The following PKP1 variants were observed in gnomAD, a reference collection of about 807,000 sequenced individuals.
PKP1 encodes plakophilin 1.
A neutral mutation model predicts 76.4 loss-of-function variants in PKP1; 27 were observed. That is an observed-to-expected ratio of 0.35 (90% CI 0.26 to 0.49). PKP1 has a LOEUF of 0.49. Ranked by LOEUF, PKP1 falls within the 20% of genes least tolerant of loss-of-function variation. The probability of loss-of-function intolerance (pLI) is 0.99; values close to 1 mark genes in which losing one functional copy is unlikely to be tolerated. For synonymous variants in PKP1, 404 were observed against 384.2 expected (o/e 1.05, Z -0.60); for missense variants, 964 against 955.2 (o/e 1.01, Z -0.12).
chr1:201,323,696 G>T (rs1292894715), intron 9 of PKP1, among the ~76,000 whole-genome samples: 1 of 152,148 alleles, frequency 6.6e-6, no homozygotes, highest in Non-Finnish European at 1.5e-5. Flanking sequence ...AAGAAGAGTT[G>T]AGATGGGCCA....
At chr1:201,319,950 CA>C in intron 6 of PKP1, 1 of 1,499,176 alleles carries the variant, frequency 6.7e-7, no homozygotes, top group Non-Finnish European at 9.3e-7. Flanking sequence ...AGTTACTGGG[CA>C]GAGTGAAGGA....
chr1:201,309,447 T>G (rs1656469040), intron 2 of PKP1, among the ~76,000 whole-genome samples: 1 of 152,198 alleles, frequency 6.6e-6, no homozygotes, highest in Non-Finnish European at 1.5e-5. Flanking sequence ...GCTCTGGATT[T>G]CTGTCTGGCT....
rs776035292 is a variant in PKP1 at position 201,330,559 on chromosome 1, G to A, written c.*518G>A. Reference sequence around the variant, plus strand: ...TGAAATGTGTGGTGCCAGGGCAAGGGGGCCATCACTGCAGTCAGGCCCTCA... The same window carrying A: ...TGAAATGTGTGGTGCCAGGGCAAGGAGGCCATCACTGCAGTCAGGCCCTCA... On this transcript the variant is annotated 3_prime_UTR_variant, in exon 14 of 14. Transcript: ENST00000367324. 4 of 152,252 alleles carry A rather than the reference G, an allele frequency of 2.6e-5. No individual in the cohort carries two copies. Among genetic ancestry groups the A allele is most frequent in the Non-Finnish European group, 4.4e-5 (3 of 68,074 alleles). The allele number at this position is 152,252 out of a possible 1,614,324, so 9.4% of individuals were successfully genotyped here.
chr1:201,289,968 G>C (rs893235409), intron 1 of PKP1, among the ~76,000 whole-genome samples: 4 of 152,182 alleles, frequency 2.6e-5, no homozygotes, highest in Non-Finnish European at 5.9e-5. Flanking sequence ...AAGAGGATGA[G>C]TCATCCCTGC....
At chr1:201,305,272 C>A (rs1044580659) in intron 2 of PKP1, among the ~76,000 whole-genome samples, 2 of 152,232 alleles carry the variant, frequency 1.3e-5, no homozygotes, top group African/African-American at 4.8e-5. Context: ...AATCCCAGCA[C>A]TCTGGGAGGC....
At chr1:201,305,656 C>T (rs551853870) in intron 2 of PKP1, among the ~76,000 whole-genome samples, 70 of 152,280 alleles carry the variant, frequency 4.6e-4, no homozygotes, top group African/African-American at 1.6e-3. Flanking sequence ...CTTCCCAGGG[C>T]TGGGAAGCAC....
chr1:201,283,816 G>A lies in PKP1; in HGVS notation c.114G>A (p.Arg38=). The A allele has an allele frequency of 6.2e-6, 10 of 1,614,184 alleles. No homozygotes were observed. The highest frequency in any genetic ancestry group is 8.5e-6 in the Non-Finnish European group (10 of 1,179,996). Residue 38 remains arginine (R), a synonymous_variant, in exon 1 of 14, where the codon AGG becomes AGA. Coordinates refer to ENST00000367324, the MANE Select transcript of PKP1 (RefSeq NM_001005337.3). ...AGATGAAAACAGGCACGTCTGGCAG[G>A]CAGCGCGTGCAGGAGCAGGTGATGA... ...DQKMKTGTSG[R]QRVQEQVMMT... is the part of the protein sequence containing the mutation.
rs1258471543 is a variant in PKP1 at position 201,293,974 on chromosome 1, A to C, written c.235A>C (p.Asn79His). The C allele has an allele frequency of 6.2e-7, 1 of 1,613,862 alleles. No homozygotes were observed. Among genetic ancestry groups the C allele is most frequent in the Non-Finnish European group, 8.5e-7 (1 of 1,179,846 alleles). ...GTATGATGGCTTGGCTGACAATTAC[A>C]ACTATGGGACCACCAGCAGGAGCAG... is the stretch of plus-strand genomic sequence containing the variant. ...SMYDGLADNY[N>H]YGTTSRSSYY... The change falls in exon 2 of 14, where the codon AAC becomes CAC. Residue 79 changes from asparagine (N) to histidine (H), a missense_variant. Transcript: ENST00000367324.
intron 2 of PKP1, among the ~76,000 whole-genome samples, chr1:201,294,653 G>C (rs1290887821): frequency 1.3e-5 from 2 of 152,130 alleles, no homozygotes; most frequent in Non-Finnish European, 2.9e-5. Context: ...GTCATTTTCA[G>C]GATTAAATGA....
intron 13 of PKP1, 125 bp downstream of exon 13, chr1:201,328,993 C>T: frequency 1.4e-6 from 1 of 727,242 alleles, no homozygotes; most frequent in Non-Finnish European, 2.5e-6. Context: ...TGGCTCTGGA[C>T]AACACAAGCA....
Position 201,322,120 on chromosome 1 carries a change from G to A in PKP1, c.1490G>A (p.Ser497Asn), listed in dbSNP as rs763478928. 7 of 1,611,416 alleles carry A rather than the reference G, an allele frequency of 4.3e-6. No homozygotes were observed. The highest frequency in any genetic ancestry group is 5.9e-6 in the Non-Finnish European group (7 of 1,179,976). The change falls in exon 8 of 14, where the codon AGC (serine) becomes AAC (asparagine). Residue 497 changes from serine to asparagine, a missense_variant. Coordinates refer to ENST00000367324, the MANE Select transcript of PKP1 (RefSeq NM_001005337.3). ...KSSTGCFSNK[S>N]DKMMNNNYDC... is the part of the protein sequence containing the mutation. ...TCCACTGGCTGCTTCAGCAACAAGA[G>A]CGACAAGATGATGGTGAGCACAGCA... is the stretch of plus-strand genomic sequence containing the variant.
At chr1:201,324,154 A>T (rs1657033334) in intron 9 of PKP1, among the ~76,000 whole-genome samples, 1 of 152,182 alleles carries the variant, frequency 6.6e-6, no homozygotes, top group Non-Finnish European at 1.5e-5. Context: ...TTACTCTGGA[A>T]GCTAACTCTG....
rs141355043 is a variant in PKP1 at position 201,320,092 on chromosome 1, C to CTCCT, written c.1233-164_1233-161dup. ...TCATTCCTTTCCTCCCTTTCCTCTTCTCCTTCCTTCCTTCTACCACAACTT... is the reference window on the plus strand; with the variant it reads ...TCATTCCTTTCCTCCCTTTCCTCTTCTCCTTCCTTCCTTCCTTCTACCACAACTT... On this transcript the variant is annotated intron_variant, in intron 6 of 13. Transcript: ENST00000367324. 2,095 of 693,366 alleles carry CTCCT rather than the reference C, an allele frequency of 3.0e-3. 6 individuals are homozygous for CTCCT. Among genetic ancestry groups the CTCCT allele is most frequent in the Non-Finnish European group, 4.5e-3 (1,749 of 386,050 alleles). 43.0% of individuals were successfully genotyped at this position (693,366 alleles called of 1,614,324 possible).
At position 201,320,417 on chromosome 1, in the gene PKP1, G is replaced by A. The variant is rs6427898; in HGVS notation, c.1347+36G>A. On this transcript the variant is annotated intron_variant, in intron 7 of 13. Transcript: ENST00000367324. Reference sequence around the variant, plus strand: ...CCCCTGGTGGCACCCTGACCCCTAGGCCCAGCCCCCTACATTTTCTGGGTG... The same window carrying A: ...CCCCTGGTGGCACCCTGACCCCTAGACCCAGCCCCCTACATTTTCTGGGTG... 0.1 allele frequency: 139,876 copies of A among 1,364,230 alleles called. 9,137 individuals are homozygous for A. Among genetic ancestry groups the A allele is most frequent in the African/African-American group, 0.28 (19,331 of 69,810 alleles). 84.5% of individuals were successfully genotyped at this position (1,364,230 alleles called of 1,614,324 possible).
In PKP1 at chr1:201,332,700, C is replaced by T. The variant is rs1013290834; in HGVS notation, c.*2659C>T. ...GTGGGGACCACACTAGCAGCCCTGACTCCACACTCCTCCTGGGGACCCAAG... is the reference window on the plus strand; with the variant it reads ...GTGGGGACCACACTAGCAGCCCTGATTCCACACTCCTCCTGGGGACCCAAG... On this transcript the variant is annotated 3_prime_UTR_variant, in exon 14 of 14. Coordinates refer to ENST00000367324, the MANE Select transcript of PKP1 (RefSeq NM_001005337.3). 6.6e-6 allele frequency: 1 copy of T among 152,278 alleles called. No individual in the cohort carries two copies. Among genetic ancestry groups the T allele is most frequent in the African/African-American group, 2.4e-5 (1 of 41,460 alleles). The allele number at this position is 152,278 out of a possible 1,614,324, so 9.4% of individuals were successfully genotyped here.
At chr1:201,326,185 G>C (rs1475877665) in intron 12 of PKP1, among the ~76,000 whole-genome samples, 1 of 152,226 alleles carries the variant, frequency 6.6e-6, no homozygotes, top group African/African-American at 2.4e-5. Context: ...TAGAAAAGTA[G>C]GTGTGGGCTA....
chr1:201,322,494 T>C (rs554419374), intron 8 of PKP1, among the ~76,000 whole-genome samples: 4 of 152,318 alleles, frequency 2.6e-5, no homozygotes, highest in Admixed American at 6.5e-5. Flanking sequence ...TCACTCTTTC[T>C]GGCCTTGGTT....
chr1:201,330,092 A>T lies in PKP1; in HGVS notation c.*51A>T, dbSNP rs1657268723. On this transcript the variant is annotated 3_prime_UTR_variant, in exon 14 of 14. Transcript: ENST00000367324. ...TTTCCAGGAAGATATGACCCAGCTG[A>T]GAAGCCCTCAGGCCTCGCTGGATGG... 6.6e-6 allele frequency: 1 copy of T among 152,188 alleles called. No individual in the cohort carries two copies. The highest frequency in any genetic ancestry group is 2.1e-4 in the South Asian group (1 of 4,828). 9.4% of individuals were successfully genotyped at this position (152,188 alleles called of 1,614,324 possible).
Position 201,324,429 on chromosome 1 carries a change from T to A in PKP1, c.1682T>A (p.Met561Lys). 2 of 1,614,140 alleles carry A rather than the reference T, an allele frequency of 1.2e-6. No homozygotes were observed. Among genetic ancestry groups the A allele is most frequent in the Non-Finnish European group, 1.7e-6 (2 of 1,180,024 alleles). ...CATCATCTACTCCTTCTCTCTTAGA[T>A]GTCCAGTGGCATGAGCCAGTTGATT... Reference protein sequence around the residue: ...LQNLTASKGLMSSGMSQLIGL... With the variant: ...LQNLTASKGLKSSGMSQLIGL... Residue 561 changes from methionine (M) to lysine (K), a missense_variant and splice_region_variant, in exon 10 of 14, where the codon ATG (methionine) becomes AAG (lysine). By Grantham distance (95) the Met-to-Lys change is moderately conservative (BLOSUM62 -1). Coordinates refer to ENST00000367324, the MANE Select transcript of PKP1 (RefSeq NM_001005337.3).
Sources: gnomAD v4.1 joint callset for allele counts (sites outside exome capture counted in the v4.1 genomes callset) on GRCh38, gnomAD v4.1.1 for gene constraint, MANE v1.5 for transcripts, NCBI Gene and HGNC (gene_info 2026-07-23, HGNC 2026-07-21) for gene names.